PPP2R3A: variants seen among roughly 807,000 people sequenced by gnomAD.
The protein encoded by PPP2R3A is protein phosphatase 2 regulatory subunit B''alpha, also known as serine/threonine-protein phosphatase 2A regulatory subunit B'' subunit alpha.
PPP2R3A carries 80 observed loss-of-function variants against 106.9 expected under a neutral mutation model. The ratio of observed to expected loss-of-function variants is 0.75; its 90% CI spans 0.62 to 0.90. PPP2R3A has a LOEUF of 0.90. PPP2R3A is among the 40% of genes least tolerant of loss of function. The pLI is 0.00. For synonymous variants in PPP2R3A, 483 were observed against 468.3 expected (o/e 1.03, Z -0.41); for missense variants, 1,386 against 1,350.4 (o/e 1.03, Z -0.41).
chr3:136,139,853 A>C (rs1042706843), intron 13 of PPP2R3A, among the ~76,000 whole-genome samples: 3 of 151,182 alleles, frequency 2.0e-5, no homozygotes, highest in African/African-American at 7.3e-5. Context: ...AAAAATAAAA[A>C]AAATTAGCTA....
rs760442983 is a variant in PPP2R3A, at chr3:136,001,692, A to G, written c.194A>G (p.Asp65Gly). Residue 65 changes from aspartate to glycine, a missense_variant, in exon 2 of 14, where the codon GAT (aspartate) becomes GGT (glycine). Asp to Gly is a moderately conservative substitution (Grantham distance 94, BLOSUM62 -1). Coordinates refer to ENST00000264977, the MANE Select transcript of PPP2R3A (RefSeq NM_002718.5). ...CACATCCCTGTGTCTCAGTTCAAAG[A>G]TGCAGATCTGAACTCTATGTTTCTA... Reference protein sequence around the residue: ...LLHIPVSQFKDADLNSMFLPH... With the variant: ...LLHIPVSQFKGADLNSMFLPH... 9 of 1,613,964 alleles carry G rather than the reference A, an allele frequency of 5.6e-6. No individual in the cohort carries two copies. The Admixed American group carries it at 1.0e-4, about 18-fold the overall frequency.
At position 135,965,765 on chromosome 3, in the gene PPP2R3A, G is replaced by A. The variant is rs999762099; in HGVS notation, c.-525G>A. 7.9e-5 allele frequency: 12 copies of A among 152,188 alleles called. No homozygotes were observed. The highest frequency in any genetic ancestry group is 5.9e-4 in the Admixed American group (9 of 15,284). 9.4% of individuals were successfully genotyped at this position (152,188 alleles called of 1,614,324 possible). A position where few individuals can be genotyped will look rare whatever the true frequency, so the allele number is the denominator to read the frequency against. ...CCGCTCTTCACGCGCCGCATTCGTAGCCCGAGAGTCCGCGCCGCGGGGAGG... is the reference window on the plus strand; with the variant it reads ...CCGCTCTTCACGCGCCGCATTCGTAACCCGAGAGTCCGCGCCGCGGGGAGG... On this transcript the variant is annotated 5_prime_UTR_variant, in exon 1 of 14. Coordinates refer to ENST00000264977, the MANE Select transcript of PPP2R3A (RefSeq NM_002718.5).
At chr3:136,141,774 T>C (rs557316828) in intron 13 of PPP2R3A, among the ~76,000 whole-genome samples, 2 of 152,268 alleles carry the variant, frequency 1.3e-5, no homozygotes, top group African/African-American at 4.8e-5. Flanking sequence ...GCAAAGGATA[T>C]GTGGCAAGAG....
intron 2 of PPP2R3A, among the ~76,000 whole-genome samples, chr3:136,019,806 G>T (rs968788934): frequency 1.3e-5 from 2 of 151,920 alleles, no homozygotes; most frequent in Admixed American, 6.6e-5. Flanking sequence ...TGAATTTTTT[G>T]GAAAACATTT....
At chr3:136,077,807 G>A (rs999233765) in intron 6 of PPP2R3A, among the ~76,000 whole-genome samples, 1 of 152,076 alleles carries the variant, frequency 6.6e-6, no homozygotes, top group African/African-American at 2.4e-5. Context: ...TAAAACACCA[G>A]CTAATAACAA....
intron 9 of PPP2R3A, among the ~76,000 whole-genome samples, chr3:136,090,292 A>G (rs1937063441): frequency 6.6e-6 from 1 of 152,178 alleles, no homozygotes; most frequent in African/African-American, 2.4e-5. Flanking sequence ...TAACATGAGT[A>G]TTAATCCTAT....
intron 1 of PPP2R3A, among the ~76,000 whole-genome samples, chr3:135,990,901 C>T (rs575352473): frequency 5.9e-5 from 9 of 152,078 alleles, no homozygotes; most frequent in South Asian, 2.1e-4. Context: ...TGTAACCTCT[C>T]GGGGGCTTTC....
chr3:136,119,974 A>G (rs1937929271), intron 13 of PPP2R3A, among the ~76,000 whole-genome samples: 2 of 152,208 alleles, frequency 1.3e-5, no homozygotes, highest in Admixed American at 6.5e-5. Flanking sequence ...TCAGTGATAG[A>G]CTGGATAAAG....
intron 2 of PPP2R3A, among the ~76,000 whole-genome samples, chr3:136,025,389 T>G (rs766065925): frequency 2.0e-5 from 3 of 152,090 alleles, no homozygotes; most frequent in Non-Finnish European, 4.4e-5. Flanking sequence ...ATCCTGATAC[T>G]GTAGCAAAGA....
At chr3:136,135,230 C>T (rs1938563651) in intron 13 of PPP2R3A, among the ~76,000 whole-genome samples, 1 of 151,900 alleles carries the variant, frequency 6.6e-6, no homozygotes, top group Non-Finnish European at 1.5e-5. Flanking sequence ...TGCTGGATAC[C>T]CCACTTCTGT....
chr3:136,023,217 G>GT, intron 2 of PPP2R3A: 2 of 1,505,516 alleles, frequency 1.3e-6, no homozygotes, highest in Non-Finnish European at 1.8e-6. Flanking sequence ...AAATTTGGGT[G>GT]TTTTGTTTTG....
At chr3:135,999,782 A>AT (rs1216780829) in intron 1 of PPP2R3A, among the ~76,000 whole-genome samples, 1 of 151,356 alleles carries the variant, frequency 6.6e-6, no homozygotes, top group African/African-American at 2.4e-5. Context: ...TTTTATTTTT[A>AT]TTTTTTTCTG....
chr3:136,096,464 T>C (rs545109064), intron 10 of PPP2R3A, among the ~76,000 whole-genome samples: 1 of 152,280 alleles, frequency 6.6e-6, no homozygotes, highest in South Asian at 2.1e-4. Context: ...GGTAGATTGT[T>C]TTCTGTGGAC....
intron 5 of PPP2R3A, among the ~76,000 whole-genome samples, chr3:136,050,645 A>T (rs1452322799): frequency 6.6e-6 from 1 of 152,040 alleles, no homozygotes; most frequent in African/African-American, 2.4e-5. Flanking sequence ...TTTTAGCTGC[A>T]CCCCTAGGGT....
At chr3:135,974,392 C>G (rs1185203139) in intron 1 of PPP2R3A, among the ~76,000 whole-genome samples, 1 of 152,158 alleles carries the variant, frequency 6.6e-6, no homozygotes, top group Non-Finnish European at 1.5e-5. Flanking sequence ...TGCTTATGTC[C>G]TTCTCTGACG....
intron 7 of PPP2R3A, among the ~76,000 whole-genome samples, chr3:136,081,203 G>A (rs1478484492): frequency 1.3e-5 from 2 of 151,806 alleles, no homozygotes; most frequent in East Asian, 3.9e-4. Context: ...ATCTTGGCCA[G>A]GCTGGTCTTG....
At chr3:136,078,482 AT>A in intron 7 of PPP2R3A, 29 bp downstream of exon 7, 1 of 1,356,506 alleles carries the variant, frequency 7.4e-7, no homozygotes. Context: ...TTCATGTGTA[AT>A]GAGCAATTTA....
At chr3:136,103,151 C>A in intron 11 of PPP2R3A, 107 bp from the exon 12 acceptor site, 1 of 545,610 alleles carries the variant, frequency 1.8e-6, no homozygotes, top group Non-Finnish European at 3.2e-6. Flanking sequence ...GAAAATAGGA[C>A]TTTTATAATA....
At chr3:136,095,574 A>C (rs74928453) in intron 10 of PPP2R3A, among the ~76,000 whole-genome samples, 3 of 152,122 alleles carry the variant, frequency 2.0e-5, no homozygotes, top group Non-Finnish European at 4.4e-5. Flanking sequence ...CTCTACCACT[A>C]TATGGCCTGT....
Sources: gnomAD v4.1 joint callset for allele counts (sites outside exome capture counted in the v4.1 genomes callset) on GRCh38, gnomAD v4.1.1 for gene constraint, MANE v1.5 for transcripts, NCBI Gene and HGNC (gene_info 2026-07-23, HGNC 2026-07-21) for gene names.